Variants in PKN2 observed in about 807,000 individuals in gnomAD.
PKN2 encodes the protein serine/threonine-protein kinase N2.
In PKN2, 38 loss-of-function variants were observed where a neutral mutation model predicts 119.1. The observed-to-expected ratio is 0.32, with a 90% CI of 0.25 to 0.42. The LOEUF (loss-of-function observed/expected upper bound fraction) is 0.42. PKN2 is among the 10% of genes least tolerant of loss of function. The probability of loss-of-function intolerance (pLI) is 1.00; values close to 1 mark genes in which losing one functional copy is unlikely to be tolerated. For synonymous variants in PKN2, 390 were observed against 384.9 expected, an observed-to-expected ratio of 1.01 and a Z score of -0.15; for missense variants, 850 against 1,165.1, an observed-to-expected ratio of 0.73 and a Z score of 3.94.
At position 88,786,071 on chromosome 1, in the gene PKN2, G is replaced by A. The variant is rs749204964; in HGVS notation, c.1172-33G>A. On this transcript the variant is annotated intron_variant, in intron 7 of 21. Transcript: ENST00000370521. ...CTTCTGTTTTTTATAAAGGTTTAAA[G>A]TTTTTAAGCAAGTTTGTAAATTTTA... 17 of 1,322,322 alleles carry A rather than the reference G, an allele frequency of 1.3e-5. No homozygotes were observed. In the African/African-American group the frequency reaches 2.5e-4, roughly 19 times the overall value. The allele number at this position is 1,322,322 out of a possible 1,614,324, so 81.9% of individuals were successfully genotyped here.
chr1:88,774,718 C>G (rs1216518449), intron 6 of PKN2, among the ~76,000 whole-genome samples: 1 of 151,068 alleles, frequency 6.6e-6, no homozygotes, highest in Non-Finnish European at 1.5e-5. Context: ...TTTTTATTTA[C>G]TTATTTTTGA....
intron 1 of PKN2, among the ~76,000 whole-genome samples, chr1:88,717,072 A>C (rs1667485394): frequency 6.6e-6 from 1 of 152,118 alleles, no homozygotes; most frequent in South Asian, 2.1e-4. Context: ...TTGGCTGGAT[A>C]TGAAATTCTG....
chr1:88,833,866 C>A lies in PKN2; in HGVS notation c.*418C>A, dbSNP rs191409712. 7.0e-5 allele frequency: 11 copies of A among 157,268 alleles called. No individual in the cohort carries two copies. The highest frequency in any genetic ancestry group is 1.1e-4 in the Non-Finnish European group (8 of 71,642). 9.7% of individuals were successfully genotyped at this position (157,268 alleles called of 1,614,324 possible). A position where few individuals can be genotyped will look rare whatever the true frequency, so the allele number is the denominator to read the frequency against. Reference sequence around the variant, plus strand: ...GAAAAAAGGGCTTGGAATGCTATTACTGTTCACACAAAGTATGATTCTGTT... The same window carrying A: ...GAAAAAAGGGCTTGGAATGCTATTAATGTTCACACAAAGTATGATTCTGTT... On this transcript the variant is annotated 3_prime_UTR_variant, in exon 22 of 22. Coordinates refer to ENST00000370521, the MANE Select transcript of PKN2 (RefSeq NM_006256.4).
At chr1:88,806,283 T>C (rs903953592) in intron 12 of PKN2, 2 of 382,202 alleles carry the variant, frequency 5.2e-6, no homozygotes, top group African/African-American at 4.2e-5. Context: ...CATTCTCCTA[T>C]CTCAGCCTCC....
chr1:88,800,116 C>T (rs375946510), intron 8 of PKN2, among the ~76,000 whole-genome samples: 1 of 152,204 alleles, frequency 6.6e-6, no homozygotes, highest in South Asian at 2.1e-4. Context: ...CTTTTCATTT[C>T]AGCAGTGGAG....
intron 1 of PKN2, among the ~76,000 whole-genome samples, chr1:88,729,382 T>C (rs1668037265): frequency 6.6e-6 from 1 of 152,184 alleles, no homozygotes; most frequent in African/African-American, 2.4e-5. Context: ...ATTCTTCGGG[T>C]ATACTAGGTG....
chr1:88,809,922 C>A (rs1051988458), intron 15 of PKN2, among the ~76,000 whole-genome samples: 8 of 151,828 alleles, frequency 5.3e-5, no homozygotes, highest in Non-Finnish European at 8.8e-5. Context: ...TAACTTAAAT[C>A]TCCACTTTTC....
chr1:88,768,879 G>T (rs1018513957), intron 3 of PKN2, among the ~76,000 whole-genome samples: 1 of 152,198 alleles, frequency 6.6e-6, no homozygotes, highest in Non-Finnish European at 1.5e-5. Flanking sequence ...TGCTTCTGTT[G>T]AGGGCCTCAG....
chr1:88,762,738 A>G (rs763713204), intron 3 of PKN2, among the ~76,000 whole-genome samples: 1 of 152,312 alleles, frequency 6.6e-6, no homozygotes. Context: ...TGGAAGCACA[A>G]TGGAGAATAA....
intron 6 of PKN2, among the ~76,000 whole-genome samples, chr1:88,776,547 C>T (rs935399582): frequency 1.3e-5 from 2 of 151,864 alleles, no homozygotes; most frequent in Admixed American, 6.6e-5. Flanking sequence ...TGAGACCAGC[C>T]TGGCCAGCAT....
intron 1 of PKN2, among the ~76,000 whole-genome samples, chr1:88,693,348 C>T (rs1054697991): frequency 7.2e-5 from 11 of 152,052 alleles, no homozygotes; most frequent in African/African-American, 1.7e-4. Flanking sequence ...TTTACAAACT[C>T]GGAATCCTAA....
In PKN2 at chr1:88,827,369, A is replaced by C. The variant is rs190493538; in HGVS notation, c.2420-1112A>C. On this transcript the variant is annotated intron_variant, in intron 18 of 21. Coordinates refer to ENST00000370521, the MANE Select transcript of PKN2 (RefSeq NM_006256.4). ...AATATTTGCATATATAAATAATGAC[A>C]TATCTTGAGGCCAAGACCCAAGTCT... Among the ~76,000 whole-genome samples the C allele has an allele frequency of 2.9e-3, 447 of 152,178 alleles. 4 individuals carry two copies. The highest frequency in any genetic ancestry group is 0.01 in the African/African-American group (425 of 41,522).
chr1:88,718,322 G>A (rs1025335551), intron 1 of PKN2, among the ~76,000 whole-genome samples: 3 of 152,182 alleles, frequency 2.0e-5, no homozygotes, highest in East Asian at 3.9e-4. Context: ...CTCAAACTCC[G>A]TCCTGGGAGA....
rs1491259052 is a variant in PKN2 at position 88,820,180 on chromosome 1, C to CAATATATATATA, written c.2280-1761_2280-1760insAATATATATATA. On this transcript the variant is annotated intron_variant, in intron 16 of 21. Transcript: ENST00000370521. Reference sequence around the variant, plus strand: ...AAATCAAACAAATCTTTTCAGAAACCTATATATATATATATATATATATAT... The same window carrying CAATATATATATA: ...AAATCAAACAAATCTTTTCAGAAACCAATATATATATATATATATATATATATATATATATAT... Among the ~76,000 whole-genome samples, 36 of 70,722 alleles carry CAATATATATATA rather than the reference C, an allele frequency of 5.1e-4. 2 individuals are homozygous for CAATATATATATA. Among genetic ancestry groups the CAATATATATATA allele is most frequent in the South Asian group, 2.6e-3 (5 of 1,914 alleles). 46.4% of individuals were successfully genotyped at this position (70,722 alleles called of 152,430 possible).
intron 16 of PKN2, among the ~76,000 whole-genome samples, chr1:88,817,869 C>A (rs1324544759): frequency 6.6e-6 from 1 of 152,066 alleles, no homozygotes; most frequent in Non-Finnish European, 1.5e-5. Context: ...GAAGTTCTGG[C>A]CAGGGCAATC....
chr1:88,753,628 G>A (rs913735770), intron 2 of PKN2, among the ~76,000 whole-genome samples: 1 of 151,374 alleles, frequency 6.6e-6, no homozygotes, highest in African/African-American at 2.4e-5. Context: ...TTCAGTCATG[G>A]TGGAAGGCGA....
chr1:88,722,235 A>C (rs1263132322), intron 1 of PKN2, among the ~76,000 whole-genome samples: 1 of 152,200 alleles, frequency 6.6e-6, no homozygotes, highest in Non-Finnish European at 1.5e-5. Flanking sequence ...GACAATTATT[A>C]ATAAAGTTCA....
chr1:88,754,455 G>A (rs1669125629), intron 2 of PKN2, among the ~76,000 whole-genome samples: 1 of 152,164 alleles, frequency 6.6e-6, no homozygotes, highest in Non-Finnish European at 1.5e-5. Context: ...GTGGAGGGAC[G>A]AAAGTATACT....
At chr1:88,790,491 G>T (rs1308916924) in intron 8 of PKN2, among the ~76,000 whole-genome samples, 1 of 152,126 alleles carries the variant, frequency 6.6e-6, no homozygotes, top group Admixed American at 6.5e-5. Context: ...TTTGAGTTGT[G>T]TAATTATTAT....
Sources: allele counts gnomAD v4.1 joint callset (sites outside exome capture counted in the v4.1 genomes callset), GRCh38; gene constraint gnomAD v4.1.1; transcripts MANE v1.5; gene names NCBI Gene and HGNC (gene_info 2026-07-23, HGNC 2026-07-21).